CD74: variants seen among roughly 807,000 people sequenced by gnomAD.
CD74 encodes the protein CD74 molecule.
In CD74, 20 loss-of-function variants were observed where a neutral mutation model predicts 37.1. The observed-to-expected ratio is 0.54, with a 90% CI of 0.38 to 0.78. The LOEUF (loss-of-function observed/expected upper bound fraction) is 0.78. CD74 is among the 30% of genes least tolerant of loss of function. The pLI is 0.00. For synonymous variants in CD74, 150 were observed against 152.0 expected, an observed-to-expected ratio of 0.99 and a Z score of 0.10; for missense variants, 338 against 389.5, an observed-to-expected ratio of 0.87 and a Z score of 1.11.
intron 1 of CD74, among the ~76,000 whole-genome samples, chr5:150,410,822 T>TACACA (rs1770302515): frequency 1.3e-5 from 2 of 152,244 alleles, no homozygotes; most frequent in East Asian, 3.9e-4. Context: ...ATAGCCAGCT[T>TACACA]TAGAAGCAGT....
At position 150,402,428 on chromosome 5, in the gene CD74, C is replaced by T. The variant is rs553571828; in HGVS notation, c.880+135G>A. The T allele has an allele frequency of 1.1e-6, 1 of 940,876 alleles. No individual in the cohort carries two copies. Among genetic ancestry groups the T allele is most frequent in the South Asian group, 1.4e-5 (1 of 73,904 alleles). 58.3% of individuals were successfully genotyped at this position (940,876 alleles called of 1,614,324 possible). A position where few individuals can be genotyped will look rare whatever the true frequency, so the allele number is the denominator to read the frequency against. The stretch of plus-strand genomic sequence containing the variant: ...TCCCCACAGCCCCCCAACCCTGTTC[C>T]TTCGTCTGTGAAATGGACATCCCAG... On this transcript the variant is annotated intron_variant, in intron 8 of 8. Coordinates refer to ENST00000009530, the MANE Select transcript of CD74 (RefSeq NM_001025159.3). The surrounding 1 kb of genome is among the most constrained non-coding windows in gnomAD (Gnocchi z 4.2).
rs1182523435 is a variant in CD74 at position 150,406,309 on chromosome 5, C to T, written c.391G>A (p.Ala131Thr). 1 of 1,613,796 alleles carries T rather than the reference C, an allele frequency of 6.2e-7. No homozygotes were observed. Among genetic ancestry groups the T allele is most frequent in the South Asian group, 1.1e-5 (1 of 91,074 alleles). ...GALPQGPMQN[A>T]TKYGNMTEDH... ...TCTGTCATGTTGCCATACTTGGTGG[C>T]ATTCTGCATGGGCTGTGGGAGGAAG... Residue 131 changes from alanine (A) to threonine (T), a missense_variant, in exon 4 of 9, where the codon GCC becomes ACC. Coordinates refer to ENST00000009530, the MANE Select transcript of CD74 (RefSeq NM_001025159.3).
chr5:150,401,894 T>A lies in CD74; in HGVS notation c.*346A>T. On this transcript the variant is annotated 3_prime_UTR_variant, in exon 9 of 9. Coordinates refer to ENST00000009530, the MANE Select transcript of CD74 (RefSeq NM_001025159.3). ...AGCCTGGGGTCTGGGTGTAGGGTTATCCCTTCTCCCTGTGCCTTCCCATCT... is the reference window on the plus strand; with the variant it reads ...AGCCTGGGGTCTGGGTGTAGGGTTAACCCTTCTCCCTGTGCCTTCCCATCT... 1.4e-6 allele frequency: 1 copy of A among 739,984 alleles called. No homozygotes were observed. Among genetic ancestry groups the A allele is most frequent in the Non-Finnish European group, 2.4e-6 (1 of 419,468 alleles). The allele number at this position is 739,984 out of a possible 1,614,324, so 45.8% of individuals were successfully genotyped here. A position where few individuals can be genotyped will look rare whatever the true frequency, so the allele number is the denominator to read the frequency against.
intron 6 of CD74, among the ~76,000 whole-genome samples, chr5:150,404,106 G>A (rs962664984): frequency 3.9e-5 from 6 of 152,200 alleles, no homozygotes; most frequent in African/African-American, 1.4e-4. Flanking sequence ...CCCAGGCAGG[G>A]TGGCCCTTTG....
rs1462665407 is a variant in CD74, at chr5:150,403,121, C to G, written c.817G>C (p.Glu273Gln). ...TRSRGHHNCS[E>Q]SLELEDPSSG... Reference sequence around the variant, plus strand: ...ACACTGGCACAGTGCCACTGCTTACCACTGCAGTTATGGTGCCCGCGGCTT... The same window carrying G: ...ACACTGGCACAGTGCCACTGCTTACGACTGCAGTTATGGTGCCCGCGGCTT... Residue 273 changes from glutamate (E) to glutamine (Q), a missense_variant and splice_region_variant, in exon 7 of 9, where the codon GAG (glutamate) becomes CAG (glutamine). Coordinates refer to ENST00000009530, the MANE Select transcript of CD74 (RefSeq NM_001025159.3). The surrounding 1 kb of genome is among the most constrained non-coding windows in gnomAD (Gnocchi z 4.5). 4 of 1,612,416 alleles carry G rather than the reference C, an allele frequency of 2.5e-6. No homozygotes were observed. The highest frequency in any genetic ancestry group is 2.2e-5 in the South Asian group (2 of 90,988).
In CD74 at chr5:150,407,822, C is replaced by T. The variant is rs1262441720; in HGVS notation, c.126-498G>A. Among the ~76,000 whole-genome samples the T allele has an allele frequency of 6.6e-6, 1 of 152,112 alleles. No homozygotes were observed. The highest frequency in any genetic ancestry group is 2.4e-5 in the African/African-American group (1 of 41,416). On this transcript the variant is annotated intron_variant, in intron 1 of 8. Coordinates refer to ENST00000009530, the MANE Select transcript of CD74 (RefSeq NM_001025159.3). This position sits in a 1 kb window ranked among gnomAD's most constrained non-coding sequence, Gnocchi z 4.4. ...AGGCTGGAGTGCAGTGGCGCGATCT[C>T]GGCTCACTGCAACCTCCACCTCCTG...
In CD74 at chr5:150,403,124, T is replaced by G. The variant is rs2151169553; in HGVS notation, c.814A>C (p.Ser272Arg). The G allele has an allele frequency of 6.2e-7, 1 of 1,612,908 alleles. No individual in the cohort carries two copies. Among genetic ancestry groups the G allele is most frequent in the Non-Finnish European group, 8.5e-7 (1 of 1,179,270 alleles). The change falls in exon 7 of 9, where the codon AGT (serine) becomes CGT (arginine). Residue 272 changes from serine to arginine, a missense_variant. Coordinates refer to ENST00000009530, the MANE Select transcript of CD74 (RefSeq NM_001025159.3). The surrounding 1 kb of genome is among the most constrained non-coding windows in gnomAD (Gnocchi z 4.5). Reference sequence around the variant, plus strand: ...CTGGCACAGTGCCACTGCTTACCACTGCAGTTATGGTGCCCGCGGCTTCTG... The same window carrying G: ...CTGGCACAGTGCCACTGCTTACCACGGCAGTTATGGTGCCCGCGGCTTCTG... ...NTRSRGHHNC[S>R]ESLELEDPSS...
chr5:150,403,427 G>A lies in CD74; in HGVS notation c.626-115C>T. ...TGGGCTTAATGCCTTCTTCCCAAGT[G>A]GCTTTACTCACTCCAGCCATCACAC... On this transcript the variant is annotated intron_variant, in intron 6 of 8. Coordinates refer to ENST00000009530, the MANE Select transcript of CD74 (RefSeq NM_001025159.3). This position sits in a 1 kb window ranked among gnomAD's most constrained non-coding sequence, Gnocchi z 4.5. The A allele has an allele frequency of 1.1e-6, 1 of 921,690 alleles. No individual in the cohort carries two copies. The highest frequency in any genetic ancestry group is 2.4e-5 in the East Asian group (1 of 41,386). The allele number at this position is 921,690 out of a possible 1,614,324, so 57.1% of individuals were successfully genotyped here.
intron 1 of CD74, among the ~76,000 whole-genome samples, chr5:150,408,023 G>C (rs776455613): frequency 6.6e-6 from 1 of 151,726 alleles, no homozygotes; most frequent in East Asian, 1.9e-4. Context: ...GATTACAAGC[G>C]TGAGTCACCG....
At position 150,412,778 on chromosome 5, in the gene CD74, T is replaced by C; in HGVS notation, c.-29A>G. On this transcript the variant is annotated 5_prime_UTR_variant, in exon 1 of 9. Coordinates refer to ENST00000009530, the MANE Select transcript of CD74 (RefSeq NM_001025159.3). ...GGACCCTGACCCCCCGGCTCGCCTCTTAAAGTCGGTGCTGGAGAGGAATCT... is the reference window on the plus strand; with the variant it reads ...GGACCCTGACCCCCCGGCTCGCCTCCTAAAGTCGGTGCTGGAGAGGAATCT... 6.2e-7 allele frequency: 1 copy of C among 1,613,156 alleles called. No homozygotes were observed. The highest frequency in any genetic ancestry group is 8.5e-7 in the Non-Finnish European group (1 of 1,179,712).
Position 150,403,392 on chromosome 5 carries a change from A to C in CD74, c.626-80T>G. On this transcript the variant is annotated intron_variant, in intron 6 of 8. Transcript: ENST00000009530. The surrounding 1 kb of genome is among the most constrained non-coding windows in gnomAD (Gnocchi z 4.5). ...TCTGAGCAGAGCTAAAGACCCACAC[A>C]CCACTGCTGTGGGCTTAATGCCTTC... The C allele has an allele frequency of 1.6e-6, 2 of 1,233,378 alleles. No homozygotes were observed. Among genetic ancestry groups the C allele is most frequent in the Non-Finnish European group, 2.4e-6 (2 of 840,416 alleles). 76.4% of individuals were successfully genotyped at this position (1,233,378 alleles called of 1,614,324 possible). A position where few individuals can be genotyped will look rare whatever the true frequency, so the allele number is the denominator to read the frequency against.
In CD74 at chr5:150,403,056, C is replaced by T. The variant is rs181980045; in HGVS notation, c.817+65G>A. On this transcript the variant is annotated intron_variant, in intron 7 of 8. Transcript: ENST00000009530. This position sits in a 1 kb window ranked among gnomAD's most constrained non-coding sequence, Gnocchi z 4.5. ...TGGTCCCATGTGCTTCAGAGGGGAC[C>T]TCTTGCCCCTCAACCTTCCTAGTCC... is the stretch of plus-strand genomic sequence containing the variant. 2.1e-5 allele frequency: 30 copies of T among 1,418,932 alleles called. No individual in the cohort carries two copies. Among genetic ancestry groups the T allele is most frequent in the Middle Eastern group, 4.8e-4 (2 of 4,136 alleles). The allele number at this position is 1,418,932 out of a possible 1,614,324, so 87.9% of individuals were successfully genotyped here. A position where few individuals can be genotyped will look rare whatever the true frequency, so the allele number is the denominator to read the frequency against.
rs751726792 is a variant in CD74 at position 150,401,976 on chromosome 5, C to G, written c.*264G>C. Reference sequence around the variant, plus strand: ...TTGGAGGCTGCTGTGATGTCAGGAACGGGGATCTGTCTAGCTTTTGGCCAC... The same window carrying G: ...TTGGAGGCTGCTGTGATGTCAGGAAGGGGGATCTGTCTAGCTTTTGGCCAC... On this transcript the variant is annotated 3_prime_UTR_variant, in exon 9 of 9. Coordinates refer to ENST00000009530, the MANE Select transcript of CD74 (RefSeq NM_001025159.3). The G allele has an allele frequency of 1.2e-5, 16 of 1,318,776 alleles. No homozygotes were observed. In the African/African-American group the frequency reaches 2.2e-4, roughly 18 times the overall value. The allele number at this position is 1,318,776 out of a possible 1,614,324, so 81.7% of individuals were successfully genotyped here. A position where few individuals can be genotyped will look rare whatever the true frequency, so the allele number is the denominator to read the frequency against.
In CD74 at chr5:150,402,353, C is replaced by G; in HGVS notation, c.881-103G>C. ...AGAGCAGTTAAGGACTGTCCACCCTCCCCTGCCCCCTGCTCAGGTCCAATA... is the reference window on the plus strand; with the variant it reads ...AGAGCAGTTAAGGACTGTCCACCCTGCCCTGCCCCCTGCTCAGGTCCAATA... On this transcript the variant is annotated intron_variant, in intron 8 of 8. Coordinates refer to ENST00000009530, the MANE Select transcript of CD74 (RefSeq NM_001025159.3). This position sits in a 1 kb window ranked among gnomAD's most constrained non-coding sequence, Gnocchi z 4.2. The G allele has an allele frequency of 1.1e-6, 1 of 919,126 alleles. No individual in the cohort carries two copies. Among genetic ancestry groups the G allele is most frequent in the Non-Finnish European group, 1.8e-6 (1 of 568,120 alleles). The allele number at this position is 919,126 out of a possible 1,614,324, so 56.9% of individuals were successfully genotyped here.
rs1169353333 is a variant in CD74 at position 150,407,816 on chromosome 5, C to T, written c.126-492G>A. The stretch of plus-strand genomic sequence containing the variant: ...TCGCCCAGGCTGGAGTGCAGTGGCG[C>T]GATCTCGGCTCACTGCAACCTCCAC... On this transcript the variant is annotated intron_variant, in intron 1 of 8. Transcript: ENST00000009530. This position sits in a 1 kb window ranked among gnomAD's most constrained non-coding sequence, Gnocchi z 4.4. Among the ~76,000 whole-genome samples the T allele has an allele frequency of 2.6e-5, 4 of 152,210 alleles. No individual in the cohort carries two copies. Among genetic ancestry groups the T allele is most frequent in the South Asian group, 2.1e-4 (1 of 4,824 alleles).
At position 150,401,965 on chromosome 5, in the gene CD74, G is replaced by T; in HGVS notation, c.*275C>A. On this transcript the variant is annotated 3_prime_UTR_variant, in exon 9 of 9. Coordinates refer to ENST00000009530, the MANE Select transcript of CD74 (RefSeq NM_001025159.3). Reference sequence around the variant, plus strand: ...GGAGCCTTGTGTTGGAGGCTGCTGTGATGTCAGGAACGGGGATCTGTCTAG... The same window carrying T: ...GGAGCCTTGTGTTGGAGGCTGCTGTTATGTCAGGAACGGGGATCTGTCTAG... The T allele has an allele frequency of 8.3e-7, 1 of 1,202,002 alleles. No homozygotes were observed. The highest frequency in any genetic ancestry group is 1.2e-6 in the Non-Finnish European group (1 of 841,662). The allele number at this position is 1,202,002 out of a possible 1,614,324, so 74.5% of individuals were successfully genotyped here. A position where few individuals can be genotyped will look rare whatever the true frequency, so the allele number is the denominator to read the frequency against.
rs2151187650 is a variant in CD74, at chr5:150,412,717, T to A, written c.33A>T (p.Glu11Asp). The part of the protein sequence containing the change: MHRRRSRSCR[E>D]DQKPVMDDQR... ...GGTCATCCATGACTGGCTTCTGATCTTCCCGACAGCTCCTGCTTCTCCTCC... is the reference window on the plus strand; with the variant it reads ...GGTCATCCATGACTGGCTTCTGATCATCCCGACAGCTCCTGCTTCTCCTCC... Residue 11 changes from glutamate (E) to aspartate (D), a missense_variant, in exon 1 of 9, where the codon GAA (glutamate) becomes GAT (aspartate). Transcript: ENST00000009530. 1 of 1,614,142 alleles carries A rather than the reference T, an allele frequency of 6.2e-7. No individual in the cohort carries two copies. Among genetic ancestry groups the A allele is most frequent in the East Asian group, 2.2e-5 (1 of 44,888 alleles).
Position 150,406,301 on chromosome 5 carries a change from C to A in CD74, c.399G>T (p.Lys133Asn). The A allele has an allele frequency of 6.2e-7, 1 of 1,613,810 alleles. No individual in the cohort carries two copies. Among genetic ancestry groups the A allele is most frequent in the African/African-American group, 1.3e-5 (1 of 75,028 alleles). ...CATGGTCCTCTGTCATGTTGCCATA[C>A]TTGGTGGCATTCTGCATGGGCTGTG... ...LPQGPMQNAT[K>N]YGNMTEDHVM... Residue 133 changes from lysine (K) to asparagine (N), a missense_variant, in exon 4 of 9, where the codon AAG (lysine) becomes AAT (asparagine). Coordinates refer to ENST00000009530, the MANE Select transcript of CD74 (RefSeq NM_001025159.3).
Position 150,403,625 on chromosome 5 carries a change from G to A in CD74, c.626-313C>T, listed in dbSNP as rs1309143703. On this transcript the variant is annotated intron_variant, in intron 6 of 8. Coordinates refer to ENST00000009530, the MANE Select transcript of CD74 (RefSeq NM_001025159.3). This position sits in a 1 kb window ranked among gnomAD's most constrained non-coding sequence, Gnocchi z 4.5. ...TGTAATCTTAGCACTTTGGGAGGCCGAGGTGGGCGGATCACTTGAGGTCAG... is the reference window on the plus strand; with the variant it reads ...TGTAATCTTAGCACTTTGGGAGGCCAAGGTGGGCGGATCACTTGAGGTCAG... 3.3e-5 allele frequency among the ~76,000 whole-genome samples: 5 copies of A among 152,172 alleles called. No individual in the cohort carries two copies. Among genetic ancestry groups the A allele is most frequent in the Non-Finnish European group, 5.9e-5 (4 of 68,032 alleles).
Sources: gnomAD v4.1 joint callset for allele counts (sites outside exome capture counted in the v4.1 genomes callset) on GRCh38, gnomAD v4.1.1 for gene constraint, Gnocchi (gnomAD v3.1) non-coding constraint, MANE v1.5 for transcripts, NCBI Gene and HGNC (gene_info 2026-07-23, HGNC 2026-07-21) for gene names.